SYTL2: variants seen among roughly 807,000 people sequenced by gnomAD.
SYTL2 encodes synaptotagmin like 2.
Under a neutral mutation model 198.7 loss-of-function variants are expected in SYTL2, and 165 were observed. The ratio of observed to expected loss-of-function variants is 0.83; its 90% CI spans 0.73 to 0.94. The LOEUF is 0.94. Ranked by LOEUF, SYTL2 falls within the 40% of genes least tolerant of loss-of-function variation. SYTL2 has a pLI of 0.00. For synonymous variants in SYTL2, 966 were observed against 917.7 expected, an observed-to-expected ratio of 1.05 and a Z score of -0.95; for missense variants, 2,835 against 2,582.8, an observed-to-expected ratio of 1.10 and a Z score of -2.12.
the SYTL2 span, among the ~76,000 whole-genome samples, chr11:85,821,432 C>G: frequency 1.3e-4 from 20 of 152,222 alleles, no homozygotes; most frequent in Admixed American, 1.2e-3. Context: ...ACAGGGACAA[C>G]TGGAGGTGAA....
At chr11:85,713,115 C>T (rs546203395) in intron 12 of SYTL2, among the ~76,000 whole-genome samples, 11 of 152,272 alleles carry the variant, frequency 7.2e-5, no homozygotes, top group Non-Finnish European at 1.3e-4. Context: ...CCAAAGGAAA[C>T]TGTAACATGT....
intron 4 of SYTL2, among the ~76,000 whole-genome samples, chr11:85,739,398 A>G (rs2090613856): frequency 1.3e-5 from 2 of 152,166 alleles, no homozygotes; most frequent in African/African-American, 4.8e-5. Flanking sequence ...ATAGTCAGAC[A>G]CTAAAATATT....
chr11:85,830,161 A>T, the SYTL2 span, among the ~76,000 whole-genome samples: 1 of 152,198 alleles, frequency 6.6e-6, no homozygotes, highest in South Asian at 2.1e-4. Flanking sequence ...CAGATTTTTG[A>T]GTACCACTCC....
chr11:85,803,914 C>T (rs902545652), intron 1 of SYTL2, among the ~76,000 whole-genome samples: 3 of 152,158 alleles, frequency 2.0e-5, no homozygotes, highest in Non-Finnish European at 4.4e-5. Flanking sequence ...AGAGTATGCA[C>T]TAGATAGATA....
At chr11:85,841,825 A>C in the SYTL2 span, among the ~76,000 whole-genome samples, 1 of 152,186 alleles carries the variant, frequency 6.6e-6, no homozygotes, top group African/African-American at 2.4e-5. Flanking sequence ...CTTAAAATAA[A>C]AGTTAAATTT....
At chr11:85,770,867 T>C (rs183235118) in intron 1 of SYTL2, among the ~76,000 whole-genome samples, 2 of 152,362 alleles carry the variant, frequency 1.3e-5, no homozygotes, top group Admixed American at 1.3e-4. Context: ...ATCTCTCATC[T>C]GAAGTAGGAA....
intron 1 of SYTL2, among the ~76,000 whole-genome samples, chr11:85,793,689 A>C (rs1256543885): frequency 1.3e-5 from 2 of 152,196 alleles, no homozygotes; most frequent in African/African-American, 4.8e-5. Flanking sequence ...CTGTCATGGA[A>C]ATTGTTCCAA....
intron 1 of SYTL2, among the ~76,000 whole-genome samples, chr11:85,797,852 T>C (rs1239512673): frequency 6.6e-6 from 1 of 151,738 alleles, no homozygotes; most frequent in Admixed American, 6.6e-5. Flanking sequence ...TTGTTGTTGT[T>C]GTTGTTGTTC....
chr11:85,779,522 G>C lies in SYTL2; in HGVS notation c.-389-21408C>G, dbSNP rs374139572. On this transcript the variant is annotated intron_variant, in intron 1 of 19. Coordinates refer to ENST00000359152, the MANE Select transcript of SYTL2 (RefSeq NM_206927.4). ...TAATTACTATGTTGTGTATAGATAT[G>C]TGTATATATGGATATATTATAGATA... 3.3e-5 allele frequency among the ~76,000 whole-genome samples: 5 copies of C among 152,174 alleles called. No individual in the cohort carries two copies. In the South Asian group the frequency reaches 6.2e-4, roughly 19 times the overall value.
intron 2 of SYTL2, among the ~76,000 whole-genome samples, chr11:85,756,578 T>C (rs2091878931): frequency 6.6e-6 from 1 of 152,138 alleles, no homozygotes. Flanking sequence ...ACACATCAAA[T>C]GGGGTAATTA....
At chr11:85,851,136 C>T in the SYTL2 span, among the ~76,000 whole-genome samples, 1 of 151,794 alleles carries the variant, frequency 6.6e-6, no homozygotes, top group Non-Finnish European at 1.5e-5. Flanking sequence ...TGTATCTAAC[C>T]TGCACCATGT....
chr11:85,707,608 G>A (rs2085407174), intron 14 of SYTL2, 77 bp from the exon 15 acceptor site: 2 of 903,720 alleles, frequency 2.2e-6, no homozygotes, highest in Non-Finnish European at 1.8e-6. Context: ...TAAATACATT[G>A]AAAACTGACA....
At chr11:85,713,530 G>T (rs2086665604) in intron 12 of SYTL2, among the ~76,000 whole-genome samples, 1 of 152,238 alleles carries the variant, frequency 6.6e-6, no homozygotes, top group Non-Finnish European at 1.5e-5. Context: ...CAAAGCTTAG[G>T]CTCCTAACTA....
At chr11:85,781,096 T>C (rs987079238) in intron 1 of SYTL2, among the ~76,000 whole-genome samples, 1 of 152,144 alleles carries the variant, frequency 6.6e-6, no homozygotes, top group Non-Finnish European at 1.5e-5. Context: ...AATGAAGACA[T>C]ACCTAAGACT....
chr11:85,824,745 T>C, the SYTL2 span, among the ~76,000 whole-genome samples: 1,815 of 152,330 alleles, frequency 0.012, 14 homozygotes, highest in Non-Finnish European at 0.019. Context: ...AAGCAGGTCC[T>C]GCTTAGCAGG....
chr11:85,744,215 T>A (rs773093204), intron 4 of SYTL2, among the ~76,000 whole-genome samples: 1 of 152,182 alleles, frequency 6.6e-6, no homozygotes, highest in African/African-American at 2.4e-5. Context: ...ACTTACTACG[T>A]GCTAATGGGC....
chr11:85,841,811 T>A, the SYTL2 span, among the ~76,000 whole-genome samples: 1 of 152,194 alleles, frequency 6.6e-6, no homozygotes, highest in Non-Finnish European at 1.5e-5. Context: ...CATGTACCCC[T>A]GAACTTAAAA....
At chr11:85,846,168 TC>T in the SYTL2 span, among the ~76,000 whole-genome samples, 5 of 152,194 alleles carry the variant, frequency 3.3e-5, no homozygotes, top group Non-Finnish European at 7.3e-5. Context: ...ACTCAGCCTC[TC>T]CAGCATGGTT....
rs1332951141 is a variant in SYTL2, at chr11:85,725,482, C to G, written c.3876G>C (p.Gln1292His). The G allele has an allele frequency of 1.2e-6, 2 of 1,614,046 alleles. No individual in the cohort carries two copies. The highest frequency in any genetic ancestry group is 1.3e-5 in the African/African-American group (1 of 75,058). The change falls in exon 8 of 20, where the codon CAG becomes CAC. Residue 1292 changes from glutamine (Q) to histidine (H), a missense_variant. By Grantham distance (24) the Gln-to-His change is conservative. Transcript: ENST00000359152. ...LLKKAESGEC[Q>H]LSTQNLIQMA... is the part of the protein sequence containing the mutation. ...TCTGAATCAAATTCTGTGTGCTTAG[C>G]TGGCACTCACCACTTTCAGCTTTCT... is the stretch of plus-strand genomic sequence containing the variant.
Sources: allele counts gnomAD v4.1 joint callset (sites outside exome capture counted in the v4.1 genomes callset), GRCh38; gene constraint gnomAD v4.1.1; transcripts MANE v1.5; gene names NCBI Gene and HGNC (gene_info 2026-07-23, HGNC 2026-07-21).